STAG1: variants seen among roughly 807,000 people sequenced by gnomAD.
STAG1 encodes cohesin subunit SA-1.
STAG1 carries 26 observed loss-of-function variants against 170.9 expected under a neutral mutation model. The ratio of observed to expected loss-of-function variants is 0.15; its 90% CI spans 0.11 to 0.21. The LOEUF is 0.21. Among genes scored for constraint, STAG1 ranks in the 10% least tolerant of loss-of-function variants. STAG1 has a pLI of 1.00. For synonymous variants in STAG1, 514 were observed against 497.7 expected, an observed-to-expected ratio of 1.03 and a Z score of -0.44; for missense variants, 964 against 1,509.5, an observed-to-expected ratio of 0.64 and a Z score of 5.99.
chr3:136,477,493 A>G (rs971460675), intron 9 of STAG1, 81 bp from the exon 10 acceptor site: 1 of 1,278,502 alleles, frequency 7.8e-7, no homozygotes, highest in Middle Eastern at 2.7e-4. Flanking sequence ...TAAGCAATAA[A>G]TATTTCTAAT....
At chr3:136,371,764 T>C (rs542472229) in intron 23 of STAG1, among the ~76,000 whole-genome samples, 3 of 152,314 alleles carry the variant, frequency 2.0e-5, no homozygotes, top group South Asian at 4.1e-4. Context: ...TGTAGCCTTG[T>C]AGTATAGTTT....
chr3:136,460,876 A>G (rs958158481), intron 13 of STAG1, among the ~76,000 whole-genome samples: 4 of 152,180 alleles, frequency 2.6e-5, no homozygotes, highest in Non-Finnish European at 5.9e-5. Context: ...TAACAACAAC[A>G]AAACAACAAC....
intron 4 of STAG1, among the ~76,000 whole-genome samples, chr3:136,600,140 A>G (rs749396385): frequency 7.2e-5 from 11 of 152,222 alleles, no homozygotes; most frequent in Non-Finnish European, 1.0e-4. Context: ...TAATAAAAAT[A>G]GCCATGCAAA....
intron 1 of STAG1, among the ~76,000 whole-genome samples, chr3:136,699,644 G>A (rs975565361): frequency 6.6e-6 from 1 of 151,812 alleles, no homozygotes; most frequent in Non-Finnish European, 1.5e-5. Flanking sequence ...GGAGGTAGAG[G>A]CCATTGTTCT....
intron 9 of STAG1, among the ~76,000 whole-genome samples, chr3:136,479,069 T>TC (rs1333778809): frequency 6.6e-6 from 1 of 150,550 alleles, no homozygotes. Context: ...TCTTTTTTTT[T>TC]TTTTTTTAAT....
At chr3:136,549,424 C>T (rs541982640) in intron 5 of STAG1, among the ~76,000 whole-genome samples, 1 of 152,182 alleles carries the variant, frequency 6.6e-6, no homozygotes, top group African/African-American at 2.4e-5. Flanking sequence ...AATTCTCCTG[C>T]CTCAGCCTCC....
At chr3:136,695,042 A>T (rs906683806) in intron 1 of STAG1, among the ~76,000 whole-genome samples, 1 of 152,216 alleles carries the variant, frequency 6.6e-6, no homozygotes, top group South Asian at 2.1e-4. Flanking sequence ...TCTTAAATGC[A>T]TTTGGATGCC....
chr3:136,388,017 A>G (rs1253100026), intron 22 of STAG1, among the ~76,000 whole-genome samples: 1 of 152,212 alleles, frequency 6.6e-6, no homozygotes, highest in African/African-American at 2.4e-5. Flanking sequence ...CCCATTAAGT[A>G]TGTTTATGTA....
intron 13 of STAG1, among the ~76,000 whole-genome samples, chr3:136,461,844 C>G (rs957466423): frequency 3.9e-5 from 6 of 151,972 alleles, no homozygotes; most frequent in Admixed American, 1.3e-4. Context: ...TCAAACAACC[C>G]CTTAGCAAAA....
intron 7 of STAG1, among the ~76,000 whole-genome samples, chr3:136,509,431 TG>T (rs1040613843): frequency 2.1e-4 from 32 of 150,824 alleles, no homozygotes; most frequent in African/African-American, 6.1e-4. Context: ...CCTTATGGTA[TG>T]TATTTTTCTC....
chr3:136,536,538 T>TA (rs1240108266), intron 6 of STAG1, among the ~76,000 whole-genome samples: 1 of 151,794 alleles, frequency 6.6e-6, no homozygotes, highest in East Asian at 1.9e-4. Context: ...TTGTCTCTAC[T>TA]AAAAATACAA....
chr3:136,403,494 T>C (rs1299731615), intron 21 of STAG1, among the ~76,000 whole-genome samples: 1 of 152,038 alleles, frequency 6.6e-6, no homozygotes, highest in Admixed American at 6.6e-5. Flanking sequence ...GGTCCTGAGA[T>C]ACCTTAAGGT....
intron 1 of STAG1, among the ~76,000 whole-genome samples, chr3:136,684,118 G>T (rs1942431395): frequency 1.3e-5 from 2 of 152,146 alleles, no homozygotes; most frequent in Admixed American, 1.3e-4. Context: ...TTGATTTATA[G>T]ATTCAACATA....
intron 5 of STAG1, among the ~76,000 whole-genome samples, chr3:136,564,952 G>A (rs1195161779): frequency 2.5e-5 from 3 of 120,128 alleles, no homozygotes. Context: ...CCTTAAATTT[G>A]ACATGTGTAT....
intron 12 of STAG1, 99 bp from the exon 13 acceptor site, chr3:136,465,087 T>C (rs1237475424): frequency 1.4e-6 from 1 of 725,700 alleles, no homozygotes; most frequent in Admixed American, 3.6e-5. Flanking sequence ...AGCTCAAGAC[T>C]TAATAATTGT....
chr3:136,601,913 A>C (rs1276753541), intron 4 of STAG1, among the ~76,000 whole-genome samples: 1 of 152,110 alleles, frequency 6.6e-6, no homozygotes, highest in Non-Finnish European at 1.5e-5. Flanking sequence ...GAAGAGAAGA[A>C]TACCATGAAT....
rs1935928825 is a variant in STAG1, at chr3:136,340,625, G to A, written c.3558-20C>T. The A allele has an allele frequency of 5.3e-6, 8 of 1,520,468 alleles. No individual in the cohort carries two copies. The highest frequency in any genetic ancestry group is 7.3e-6 in the Non-Finnish European group (8 of 1,094,696). The allele number at this position is 1,520,468 out of a possible 1,614,324, so 94.2% of individuals were successfully genotyped here. ...CCCCGACTGGTAAGAAAAAGGTATT[G>A]TCAGAAAGCTCATCAGACTCCACCA... is the stretch of plus-strand genomic sequence containing the variant. On this transcript the variant is annotated intron_variant, in intron 31 of 33. Coordinates refer to ENST00000383202, the MANE Select transcript of STAG1 (RefSeq NM_005862.3).
chr3:136,418,201 C>T (rs529227941), intron 20 of STAG1, among the ~76,000 whole-genome samples: 75 of 150,872 alleles, frequency 5.0e-4, no homozygotes, highest in Non-Finnish European at 3.3e-4. Context: ...TAAAAATACA[C>T]ACAAAAAAAT....
intron 1 of STAG1, among the ~76,000 whole-genome samples, chr3:136,691,001 AAAAG>A (rs1280787568): frequency 6.6e-6 from 1 of 151,662 alleles, no homozygotes; most frequent in Non-Finnish European, 1.5e-5. Context: ...TCTTTTCACA[AAAAG>A]AAAGACAGTT....
Sources: allele counts gnomAD v4.1 joint callset (sites outside exome capture counted in the v4.1 genomes callset), GRCh38; gene constraint gnomAD v4.1.1; transcripts MANE v1.5; gene names NCBI Gene and HGNC (gene_info 2026-07-23, HGNC 2026-07-21).